LUZP2: variants seen among roughly 807,000 people sequenced by gnomAD.
The protein encoded by LUZP2 is leucine zipper protein 2.
In LUZP2, 52 loss-of-function variants were observed where a neutral mutation model predicts 51.6. That is an observed-to-expected ratio of 1.01 (90% CI 0.81 to 1.27). The LOEUF (loss-of-function observed/expected upper bound fraction) is 1.27. Among genes scored for constraint, LUZP2 ranks in the 50% most tolerant of loss-of-function variants. The pLI is 0.00. For missense variants in LUZP2, 436 were observed against 395.4 expected (o/e 1.10, Z -0.87); for synonymous variants, 154 against 137.3 (o/e 1.12, Z -0.85).
intron 7 of LUZP2, among the ~76,000 whole-genome samples, chr11:24,973,727 T>C (rs1371898086): frequency 6.6e-6 from 1 of 152,108 alleles, no homozygotes; most frequent in Non-Finnish European, 1.5e-5. Flanking sequence ...ACAATTTCTA[T>C]GTAGTTTTGT....
At chr11:24,732,432 A>C (rs1858747463) in intron 3 of LUZP2, among the ~76,000 whole-genome samples, 1 of 151,718 alleles carries the variant, frequency 6.6e-6, no homozygotes, top group Non-Finnish European at 1.5e-5. Flanking sequence ...TTTTGTCTGC[A>C]AATAACAATT....
At chr11:24,548,349 A>G (rs549041901) in intron 1 of LUZP2, among the ~76,000 whole-genome samples, 9 of 152,254 alleles carry the variant, frequency 5.9e-5, no homozygotes, top group African/African-American at 2.2e-4. Flanking sequence ...GTACATATAT[A>G]CCATGGAATA....
chr11:24,666,152 T>C (rs576811042), intron 1 of LUZP2, among the ~76,000 whole-genome samples: 1 of 152,176 alleles, frequency 6.6e-6, no homozygotes, highest in East Asian at 1.9e-4. Context: ...TGGGGGAAGG[T>C]CTGCTTAGAA....
intron 1 of LUZP2, among the ~76,000 whole-genome samples, chr11:24,722,205 C>A (rs1259152904): frequency 6.6e-6 from 1 of 152,120 alleles, no homozygotes; most frequent in East Asian, 1.9e-4. Flanking sequence ...AAGGACAAAT[C>A]CTGATATAAA....
At chr11:24,691,418 A>T (rs1857060741) in intron 1 of LUZP2, among the ~76,000 whole-genome samples, 1 of 151,938 alleles carries the variant, frequency 6.6e-6, no homozygotes, top group African/African-American at 2.4e-5. Context: ...TAGTTTTGTA[A>T]AACTTGTGAA....
At chr11:24,544,112 G>A (rs182660530) in intron 1 of LUZP2, among the ~76,000 whole-genome samples, 1 of 152,026 alleles carries the variant, frequency 6.6e-6, no homozygotes, top group Non-Finnish European at 1.5e-5. Flanking sequence ...CGGTGCTGAG[G>A]GAAGGGATCT....
intron 9 of LUZP2, among the ~76,000 whole-genome samples, chr11:25,007,224 G>T (rs753221075): frequency 6.6e-4 from 100 of 152,240 alleles, no homozygotes; most frequent in Non-Finnish European, 1.2e-3. Flanking sequence ...GCCCAGCCGG[G>T]TTCACCTCTC....
At chr11:24,938,350 T>C (rs934113912) in intron 7 of LUZP2, among the ~76,000 whole-genome samples, 4 of 152,194 alleles carry the variant, frequency 2.6e-5, no homozygotes, top group African/African-American at 9.7e-5. Flanking sequence ...GAAACAGAGA[T>C]CTGAAAGAGT....
chr11:24,497,605 C>T (rs888849485), intron 1 of LUZP2, among the ~76,000 whole-genome samples: 4 of 152,174 alleles, frequency 2.6e-5, no homozygotes, highest in African/African-American at 9.7e-5. Context: ...CAAAAGGTAA[C>T]ACGCGGTAAA....
At chr11:24,549,199 A>G (rs1024101329) in intron 1 of LUZP2, among the ~76,000 whole-genome samples, 2 of 152,028 alleles carry the variant, frequency 1.3e-5, no homozygotes, top group African/African-American at 4.8e-5. Flanking sequence ...TAAGTTTGTT[A>G]TATATTATTT....
intron 11 of LUZP2, among the ~76,000 whole-genome samples, chr11:25,077,786 G>A (rs181472607): frequency 2.2e-4 from 33 of 152,160 alleles, no homozygotes; most frequent in Admixed American, 1.1e-3. Context: ...GTGAGCCACC[G>A]CGCCCGACCA....
In LUZP2 at chr11:24,658,094, C is replaced by CA. The variant is rs965186268; in HGVS notation, c.63-71069dup. 3.7e-4 allele frequency among the ~76,000 whole-genome samples: 56 copies of CA among 152,122 alleles called. 1 individual carries two copies. Among genetic ancestry groups the CA allele is most frequent in the African/African-American group, 1.3e-3 (53 of 41,508 alleles). On this transcript the variant is annotated intron_variant, in intron 1 of 11. Transcript: ENST00000336930. ...AACTACTGTAAAGTTCATATGGCAC[C>CA]AAAAAAGAGCCCACATTGCCAAGTC...
Position 25,014,116 on chromosome 11 carries a change from A to G in LUZP2, c.765+30823A>G, listed in dbSNP as rs540024302. On this transcript the variant is annotated intron_variant, in intron 9 of 11. Coordinates refer to ENST00000336930, the MANE Select transcript of LUZP2 (RefSeq NM_001009909.4). ...ATGGCTGCATAGAATTCCATGGTGT[A>G]TATGTGCCACATTTTCTTAATCCAG... 2.5e-4 allele frequency among the ~76,000 whole-genome samples: 38 copies of G among 152,298 alleles called. No homozygotes were observed. The East Asian group carries it at 7.1e-3, about 29-fold the overall frequency.
At chr11:25,061,899 A>T (rs1431538613) in intron 10 of LUZP2, among the ~76,000 whole-genome samples, 12 of 152,128 alleles carry the variant, frequency 7.9e-5, no homozygotes, top group Admixed American at 7.9e-4. Context: ...TGAAATTGAT[A>T]TGGAATGAAG....
intron 5 of LUZP2, among the ~76,000 whole-genome samples, chr11:24,847,224 C>T (rs1201360071): frequency 3.3e-5 from 5 of 151,368 alleles, no homozygotes; most frequent in Non-Finnish European, 7.4e-5. Flanking sequence ...TTCGTAGGTC[C>T]CATTTACAGT....
chr11:24,550,439 A>G (rs1040135245), intron 1 of LUZP2, among the ~76,000 whole-genome samples: 5 of 152,102 alleles, frequency 3.3e-5, no homozygotes, highest in Non-Finnish European at 7.4e-5. Context: ...AAAATATTAT[A>G]TTCTACAACT....
intron 1 of LUZP2, among the ~76,000 whole-genome samples, chr11:24,592,147 C>G (rs1037218003): frequency 2.6e-5 from 4 of 152,198 alleles, no homozygotes; most frequent in African/African-American, 9.6e-5. Context: ...ATTGGTTTTA[C>G]TCTAAGCAAA....
chr11:24,924,637 T>C (rs1019146468), intron 7 of LUZP2, among the ~76,000 whole-genome samples: 8 of 152,200 alleles, frequency 5.3e-5, no homozygotes, highest in African/African-American at 1.9e-4. Flanking sequence ...TGACACAGCC[T>C]TAGAAAATCC....
At chr11:24,938,224 AT>A (rs1054765872) in intron 7 of LUZP2, among the ~76,000 whole-genome samples, 14 of 151,288 alleles carry the variant, frequency 9.3e-5, no homozygotes, top group Admixed American at 1.3e-4. Flanking sequence ...ATTGGGATAC[AT>A]TTTTTTTCTA....
Sources: allele counts gnomAD v4.1 joint callset (sites outside exome capture counted in the v4.1 genomes callset), GRCh38; gene constraint gnomAD v4.1.1; transcripts MANE v1.5; gene names NCBI Gene and HGNC (gene_info 2026-07-23, HGNC 2026-07-21).